RGL1: variants seen among roughly 807,000 people sequenced by gnomAD.
RGL1 encodes the protein ral guanine nucleotide dissociation stimulator-like 1.
RGL1 carries 24 observed loss-of-function variants against 95.2 expected under a neutral mutation model. The ratio of observed to expected loss-of-function variants is 0.25; its 90% confidence interval spans 0.18 to 0.35. The LOEUF (loss-of-function observed/expected upper bound fraction) is 0.35. Ranked by LOEUF, RGL1 falls within the 10% of genes least tolerant of loss-of-function variation. The pLI, the probability that RGL1 is intolerant of heterozygous loss-of-function variation, is 1.00. For synonymous variants in RGL1, 329 were observed against 344.9 expected, an observed-to-expected ratio of 0.95 and a Z score of 0.51; for missense variants, 715 against 936.3, an observed-to-expected ratio of 0.76 and a Z score of 3.08.
chr1:183,851,911 C>A (rs563924570), intron 3 of RGL1, among the ~76,000 whole-genome samples: 1 of 152,322 alleles, frequency 6.6e-6, no homozygotes, highest in South Asian at 2.1e-4. Flanking sequence ...GTTGTATAAA[C>A]TTGCCTATTC....
At chr1:183,715,186 C>G (rs933255633) in intron 1 of RGL1, among the ~76,000 whole-genome samples, 1 of 152,258 alleles carries the variant, frequency 6.6e-6, no homozygotes, top group East Asian at 1.9e-4. Flanking sequence ...CCTCTCTGAG[C>G]CTCATTGAAA....
chr1:183,816,040 A>G (rs10797912), intron 2 of RGL1, among the ~76,000 whole-genome samples: 20,986 of 152,172 alleles, frequency 0.14, 2,410 homozygotes, highest in East Asian at 0.42. Context: ...AGGAAGGAAC[A>G]ATCATGGCAG....
chr1:183,826,122 T>G (rs1157209919), intron 2 of RGL1, among the ~76,000 whole-genome samples: 1 of 152,014 alleles, frequency 6.6e-6, no homozygotes, highest in Non-Finnish European at 1.5e-5. Context: ...GGTGCGATCT[T>G]GGCTCACCGC....
At chr1:183,881,055 T>C (rs1240351115) in intron 5 of RGL1, among the ~76,000 whole-genome samples, 1 of 152,200 alleles carries the variant, frequency 6.6e-6, no homozygotes, top group Non-Finnish European at 1.5e-5. Flanking sequence ...GAGGAAACTG[T>C]GGAAACTCCA....
intron 2 of RGL1, among the ~76,000 whole-genome samples, chr1:183,813,814 A>G (rs1661891279): frequency 6.6e-6 from 1 of 152,204 alleles, no homozygotes; most frequent in Non-Finnish European, 1.5e-5. Context: ...CACTCCTTGT[A>G]TAAAAGAAAA....
chr1:183,830,129 C>G (rs1036741942), intron 2 of RGL1, among the ~76,000 whole-genome samples: 1 of 152,172 alleles, frequency 6.6e-6, no homozygotes, highest in Non-Finnish European at 1.5e-5. Context: ...AAGTGATGCT[C>G]TAGTCCTCCA....
chr1:183,916,859 C>T (rs1374638257), intron 16 of RGL1, among the ~76,000 whole-genome samples, 158 bp downstream of exon 16: 1 of 151,954 alleles, frequency 6.6e-6, no homozygotes, highest in East Asian at 1.9e-4. Context: ...TCCAGGTCTC[C>T]CTGGGCATAG....
At chr1:183,910,511 T>C (rs1266274999) in intron 14 of RGL1, among the ~76,000 whole-genome samples, 1 of 152,234 alleles carries the variant, frequency 6.6e-6, no homozygotes, top group Non-Finnish European at 1.5e-5. Context: ...GGTTCACCAG[T>C]TCTGGAATCC....
At chr1:183,866,761 C>T (rs998015996) in intron 4 of RGL1, among the ~76,000 whole-genome samples, 17 of 152,186 alleles carry the variant, frequency 1.1e-4, no homozygotes, top group African/African-American at 4.1e-4. Context: ...TTAAAAGACC[C>T]GCTCTGGCTC....
chr1:183,682,918 T>A (rs1653320193), intron 1 of RGL1, among the ~76,000 whole-genome samples: 1 of 152,232 alleles, frequency 6.6e-6, no homozygotes, highest in Admixed American at 6.5e-5. Context: ...TTTATTATAA[T>A]GTAATGCCCT....
intron 3 of RGL1, among the ~76,000 whole-genome samples, chr1:183,851,580 G>A (rs1664829526): frequency 6.6e-6 from 1 of 152,110 alleles, no homozygotes; most frequent in South Asian, 2.1e-4. Flanking sequence ...ATTAAGGCTT[G>A]CATTTCTGAA....
intron 2 of RGL1, among the ~76,000 whole-genome samples, chr1:183,831,511 T>G (rs967053923): frequency 2.7e-4 from 41 of 152,306 alleles, no homozygotes; most frequent in African/African-American, 9.9e-4. Context: ...GATTTGTGTT[T>G]TTAAAAGATC....
At chr1:183,857,031 G>T (rs1035288168) in intron 3 of RGL1, among the ~76,000 whole-genome samples, 4 of 152,150 alleles carry the variant, frequency 2.6e-5, no homozygotes, top group African/African-American at 9.7e-5. Context: ...AATTGAGGTT[G>T]CAGATGGAAT....
chr1:183,863,753 A>G (rs1344498157), intron 3 of RGL1, among the ~76,000 whole-genome samples: 3 of 152,336 alleles, frequency 2.0e-5, no homozygotes, highest in East Asian at 3.9e-4. Flanking sequence ...TTTGAGCCTC[A>G]GCAACTGGAT....
At chr1:183,641,913 A>G (rs1300842591) in intron 1 of RGL1, among the ~76,000 whole-genome samples, 1 of 152,202 alleles carries the variant, frequency 6.6e-6, no homozygotes, top group African/African-American at 2.4e-5. Context: ...TCTCATCTAC[A>G]TTGCCAATTT....
At chr1:183,850,634 A>G (rs929594853) in intron 3 of RGL1, among the ~76,000 whole-genome samples, 1 of 152,194 alleles carries the variant, frequency 6.6e-6, no homozygotes, top group Non-Finnish European at 1.5e-5. Context: ...AGCTTTTTTC[A>G]TAGCAGTGCT....
Position 183,897,902 on chromosome 1 carries a change from G to T in RGL1, c.1230+5G>T. On this transcript the variant is annotated splice_donor_5th_base_variant and intron_variant, in intron 10 of 17. Coordinates refer to ENST00000360851, the MANE Select transcript of RGL1 (RefSeq NM_001297671.3). The stretch of plus-strand genomic sequence containing the variant: ...CTGCAGCTCCAGAAGGACATGGTAT[G>T]TCTGGCCCTCGTCTTCCCTGACAGC... 1 of 1,612,856 alleles carries T rather than the reference G, an allele frequency of 6.2e-7. No individual in the cohort carries two copies. The highest frequency in any genetic ancestry group is 8.5e-7 in the Non-Finnish European group (1 of 1,178,910).
intron 1 of RGL1, among the ~76,000 whole-genome samples, chr1:183,736,983 C>T (rs920460049): frequency 2.0e-5 from 3 of 151,870 alleles, no homozygotes; most frequent in Admixed American, 6.6e-5. Context: ...AAAAAAATAA[C>T]GATTTGTGAG....
chr1:183,849,689 C>A (rs1009747968), intron 3 of RGL1, among the ~76,000 whole-genome samples: 2 of 151,824 alleles, frequency 1.3e-5, no homozygotes, highest in African/African-American at 4.8e-5. Context: ...CAGGGCTTTA[C>A]CATGTTGGCC....
Sources: gnomAD v4.1 joint callset for allele counts (sites outside exome capture counted in the v4.1 genomes callset) on GRCh38, gnomAD v4.1.1 for gene constraint, MANE v1.5 for transcripts, NCBI Gene and HGNC (gene_info 2026-07-23, HGNC 2026-07-21) for gene names.